AGBL1: variants seen among roughly 807,000 people sequenced by gnomAD.
The protein encoded by AGBL1 is cytosolic carboxypeptidase 4.
Under a neutral mutation model 118.9 loss-of-function variants are expected in AGBL1, and 130 were observed. The observed-to-expected ratio is 1.09, with a 90% CI of 0.95 to 1.26. The LOEUF (loss-of-function observed/expected upper bound fraction) is 1.26. Among genes scored for constraint, AGBL1 ranks in the 50% most tolerant of loss-of-function variants. AGBL1 has a pLI of 0.00. For synonymous variants in AGBL1, 555 were observed against 478.9 expected, an observed-to-expected ratio of 1.16 and a Z score of -2.08; for missense variants, 1,584 against 1,298.1, an observed-to-expected ratio of 1.22 and a Z score of -3.38.
intron 15 of AGBL1, among the ~76,000 whole-genome samples, 197 bp downstream of exon 15, chr15:86,271,903 A>G (rs1291138250): frequency 1.3e-5 from 2 of 152,240 alleles, no homozygotes; most frequent in African/African-American, 4.8e-5. Context: ...GACCTCGAGA[A>G]ATACCTTTTG....
intron 23 of AGBL1, among the ~76,000 whole-genome samples, chr15:86,949,729 A>G (rs975420033): frequency 1.3e-5 from 2 of 152,122 alleles, no homozygotes; most frequent in African/African-American, 2.4e-5. Flanking sequence ...GTTTTGAAAT[A>G]TGTAAAGTAA....
chr15:86,572,481 G>T (rs1311582679), intron 21 of AGBL1, among the ~76,000 whole-genome samples: 3 of 152,238 alleles, frequency 2.0e-5, no homozygotes, highest in Admixed American at 2.0e-4. Flanking sequence ...CATCGTGGCA[G>T]TTGCCGGGGT....
At chr15:86,923,396 C>T (rs1476166058) in intron 23 of AGBL1, among the ~76,000 whole-genome samples, 1 of 152,154 alleles carries the variant, frequency 6.6e-6, no homozygotes, top group African/African-American at 2.4e-5. Context: ...GTGGCCTATT[C>T]CCCATCTCCT....
At chr15:86,950,699 T>C (rs948097163) in intron 23 of AGBL1, among the ~76,000 whole-genome samples, 1 of 151,882 alleles carries the variant, frequency 6.6e-6, no homozygotes, top group Non-Finnish European at 1.5e-5. Flanking sequence ...TCATGAAGAA[T>C]ATATACAAAG....
intron 1 of AGBL1, among the ~76,000 whole-genome samples, chr15:86,080,936 G>T (rs1254226205): frequency 7.4e-5 from 11 of 149,566 alleles, no homozygotes; most frequent in Non-Finnish European, 1.5e-4. Context: ...GGCTTGTGGG[G>T]GCGGGGGGGG....
chr15:86,897,764 C>CTTTTTTTTTTTTTTTTT (rs71460231), intron 22 of AGBL1, among the ~76,000 whole-genome samples: 26 of 80,618 alleles, frequency 3.2e-4, no homozygotes, highest in African/African-American at 5.5e-4. Flanking sequence ...CATCTTTTAT[C>CTTTTTTTTTTTTTTTTT]TTTTTTTTTT....
chr15:86,099,626 G>A (rs560137864), intron 1 of AGBL1, among the ~76,000 whole-genome samples: 4 of 149,354 alleles, frequency 2.7e-5, no homozygotes, highest in East Asian at 3.9e-4. Context: ...TGCAACCTCC[G>A]CCTCCCAGGT....
intron 23 of AGBL1, among the ~76,000 whole-genome samples, chr15:86,977,158 A>AT (rs1380364984): frequency 1.3e-5 from 2 of 151,622 alleles, no homozygotes; most frequent in Non-Finnish European, 2.9e-5. Context: ...AACATTTTCC[A>AT]TTTTTTTCTC....
At chr15:86,279,891 T>G (rs1431098875) in intron 16 of AGBL1, 108 bp downstream of exon 16, 2 of 1,407,282 alleles carry the variant, frequency 1.4e-6, no homozygotes, top group Admixed American at 1.9e-5. Flanking sequence ...CAGAGGGGAA[T>G]GTAGGGGAAC....
chr15:86,804,784 C>T (rs1205269205), intron 22 of AGBL1, among the ~76,000 whole-genome samples: 1 of 152,044 alleles, frequency 6.6e-6, no homozygotes, highest in Non-Finnish European at 1.5e-5. Context: ...TTTATGTCTG[C>T]ATAGAAGGAA....
intron 16 of AGBL1, among the ~76,000 whole-genome samples, chr15:86,285,983 T>C (rs1475486661): frequency 2.0e-5 from 3 of 152,078 alleles, no homozygotes; most frequent in Admixed American, 6.6e-5. Flanking sequence ...ATTTATAAAA[T>C]CTAGATTTTA....
chr15:86,858,431 T>A (rs1412481277), intron 22 of AGBL1, among the ~76,000 whole-genome samples: 2 of 151,658 alleles, frequency 1.3e-5, no homozygotes, highest in East Asian at 3.9e-4. Context: ...AGTTTCTGAC[T>A]TCAAGCAGTT....
intron 17 of AGBL1, among the ~76,000 whole-genome samples, chr15:86,392,363 G>A (rs555786837): frequency 2.6e-5 from 4 of 152,076 alleles, no homozygotes; most frequent in Admixed American, 2.0e-4. Flanking sequence ...AGTTGTTTGC[G>A]TTAGTATAAA....
At chr15:86,961,170 A>G (rs2080989043) in intron 23 of AGBL1, among the ~76,000 whole-genome samples, 3 of 152,072 alleles carry the variant, frequency 2.0e-5, no homozygotes, top group South Asian at 2.1e-4. Flanking sequence ...TCATTTCACA[A>G]TACGTATGTG....
chr15:86,413,136 TC>T (rs1275213991), intron 18 of AGBL1, among the ~76,000 whole-genome samples: 1 of 152,130 alleles, frequency 6.6e-6, no homozygotes, highest in African/African-American at 2.4e-5. Context: ...GTGAAAGACA[TC>T]TTACATTTCA....
chr15:86,536,465 C>T (rs139253094), intron 19 of AGBL1, among the ~76,000 whole-genome samples: 1 of 152,110 alleles, frequency 6.6e-6, no homozygotes, highest in African/African-American at 2.4e-5. Context: ...CACGTGCCAC[C>T]ACACCTGGCT....
chr15:86,994,480 TACC>T (rs1488430563), intron 24 of AGBL1, among the ~76,000 whole-genome samples: 1 of 152,142 alleles, frequency 6.6e-6, no homozygotes, highest in African/African-American at 2.4e-5. Context: ...AAAGACTCTC[TACC>T]ATACCACTCT....
At chr15:86,278,303 T>C (rs1371909910) in intron 15 of AGBL1, among the ~76,000 whole-genome samples, 1 of 151,816 alleles carries the variant, frequency 6.6e-6, no homozygotes, top group Non-Finnish European at 1.5e-5. Flanking sequence ...GGGGCTTATG[T>C]TGTTACAGGG....
intron 16 of AGBL1, among the ~76,000 whole-genome samples, chr15:86,289,706 A>G (rs2079513929): frequency 6.6e-6 from 1 of 152,130 alleles, no homozygotes; most frequent in South Asian, 2.1e-4. Context: ...TTTCCATTAC[A>G]TCCCATCTCC....
Sources: allele counts gnomAD v4.1 joint callset (sites outside exome capture counted in the v4.1 genomes callset), GRCh38; gene constraint gnomAD v4.1.1; transcripts MANE v1.5; gene names NCBI Gene and HGNC (gene_info 2026-07-23, HGNC 2026-07-21).